Variants in CCDC144A observed in about 807,000 individuals in gnomAD.
CCDC144A encodes coiled-coil domain containing 144A, also known as coiled-coil domain-containing protein 144A.
A neutral mutation model predicts 143.8 loss-of-function variants in CCDC144A; 41 were observed. That is an observed-to-expected ratio of 0.29 (90% CI 0.22 to 0.37). The LOEUF is 0.37. CCDC144A is among the 10% of genes least tolerant of loss of function. The pLI is 1.00. For missense variants in CCDC144A, 637 were observed against 1,488.8 expected (o/e 0.43, Z 9.41); for synonymous variants, 242 against 517.9 (o/e 0.47, Z 7.23).
At chr17:16,769,825 TTTG>T (rs376167609) in intron 15 of CCDC144A, among the ~76,000 whole-genome samples, 6,028 of 151,178 alleles carry the variant, frequency 0.04, 108 homozygotes, top group Admixed American at 0.07. Context: ...TTTTCTCTTT[TTTG>T]TTGTTGTTGT....
the CCDC144A span, among the ~76,000 whole-genome samples, chr17:16,670,392 A>G: frequency 2.0e-5 from 3 of 146,466 alleles, no homozygotes; most frequent in African/African-American, 7.6e-5. Context: ...GGTTCAAGTC[A>G]TTCTCCTGCC....
intron 12 of CCDC144A, among the ~76,000 whole-genome samples, chr17:16,744,704 G>A (rs948751774): frequency 1.3e-5 from 2 of 149,792 alleles, no homozygotes; most frequent in African/African-American, 4.9e-5. Flanking sequence ...AAGCTCCTTT[G>A]TTTAACTAGG....
chr17:16,733,057 C>G lies in CCDC144A; in HGVS notation c.2418+391C>G, dbSNP rs559001429. Among the ~76,000 whole-genome samples, 3 of 151,940 alleles carry G rather than the reference C, an allele frequency of 2.0e-5. No homozygotes were observed. The South Asian group carries it at 6.2e-4, about 32-fold the overall frequency. On this transcript the variant is annotated intron_variant, in intron 11 of 16. Coordinates refer to ENST00000399273, the MANE Select transcript of CCDC144A (RefSeq NM_001382000.1). Reference sequence around the variant, plus strand: ...TGGAGAGGTTAGATTATTATTTCCACTTGTAGTAAGGATGAAATGTATAGC... The same window carrying G: ...TGGAGAGGTTAGATTATTATTTCCAGTTGTAGTAAGGATGAAATGTATAGC...
At chr17:16,683,666 A>G in the CCDC144A span, 1 of 1,605,494 alleles carries the variant, frequency 6.2e-7, no homozygotes, top group Non-Finnish European at 8.5e-7. Flanking sequence ...CAAGCCCGGA[A>G]GTTTCAGAAG....
intron 12 of CCDC144A, among the ~76,000 whole-genome samples, chr17:16,738,185 T>A (rs926397580): frequency 6.7e-6 from 1 of 149,922 alleles, no homozygotes; most frequent in Non-Finnish European, 1.5e-5. Context: ...ATGTTTTAAT[T>A]TACAAACTAC....
Position 16,690,269 on chromosome 17 carries a change from GGTGGTCGCTTGGCTTGGCGTGGCA to G in CCDC144A, c.-128_-105del. On this transcript the variant is annotated 5_prime_UTR_variant, in exon 1 of 17. Coordinates refer to ENST00000399273, the MANE Select transcript of CCDC144A (RefSeq NM_001382000.1). ...GCTTTGCGGTGGCTGTTGGCTTGGCGGTGGTCGCTTGGCTTGGCGTGGCAGTGATCGCTTGGCTTGGCATTTCTG... is the reference window on the plus strand; with the variant it reads ...GCTTTGCGGTGGCTGTTGGCTTGGCGGTGATCGCTTGGCTTGGCATTTCTG... The G allele has an allele frequency of 6.6e-6, 4 of 602,112 alleles. No homozygotes were observed. The South Asian group carries it at 8.8e-5, about 13-fold the overall frequency. 37.3% of individuals were successfully genotyped at this position (602,112 alleles called of 1,614,324 possible).
At position 16,775,657 on chromosome 17, in the gene CCDC144A, G is replaced by A. The variant is rs1017320756; in HGVS notation, c.*2024G>A. 3.0e-4 allele frequency: 45 copies of A among 152,114 alleles called. No homozygotes were observed. Among genetic ancestry groups the A allele is most frequent in the Admixed American group, 7.9e-4 (12 of 15,284 alleles). 9.4% of individuals were successfully genotyped at this position (152,114 alleles called of 1,614,324 possible). On this transcript the variant is annotated 3_prime_UTR_variant, in exon 17 of 17. Transcript: ENST00000399273. ...ATTTTCTCCCATTCTGTAGGTTGTC[G>A]GTTTACTCTGTTGATAGGTTCTTAA... is the stretch of plus-strand genomic sequence containing the variant.
At chr17:16,748,738 G>GT (rs1261297144) in intron 12 of CCDC144A, among the ~76,000 whole-genome samples, 1 of 152,124 alleles carries the variant, frequency 6.6e-6, no homozygotes, top group African/African-American at 2.4e-5. Context: ...TGGCTAGTAG[G>GT]TTTTTTATTA....
chr17:16,704,592 T>A (rs1444994400), intron 2 of CCDC144A, among the ~76,000 whole-genome samples: 1 of 152,054 alleles, frequency 6.6e-6, no homozygotes, highest in Non-Finnish European at 1.5e-5. Context: ...AGACTAATCC[T>A]GTTCTCACAT....
chr17:16,731,063 C>A (rs1226594861), intron 9 of CCDC144A, among the ~76,000 whole-genome samples: 1 of 151,554 alleles, frequency 6.6e-6, no homozygotes. Flanking sequence ...TATTCCATAT[C>A]TCTCATATGC....
chr17:16,674,667 C>T, the CCDC144A span, among the ~76,000 whole-genome samples: 1 of 151,952 alleles, frequency 6.6e-6, no homozygotes, highest in Non-Finnish European at 1.5e-5. Context: ...AGTAGCAAAG[C>T]CACTCTGTAA....
chr17:16,768,932 A>G (rs1915717523), intron 15 of CCDC144A, among the ~76,000 whole-genome samples: 1 of 152,106 alleles, frequency 6.6e-6, no homozygotes, highest in Non-Finnish European at 1.5e-5. Flanking sequence ...GCTGTGGTGG[A>G]TAGGCAGCAA....
chr17:16,746,853 CCCCTCCCTCCTCTCCCTT>C, intron 12 of CCDC144A: 1 of 769,494 alleles, frequency 1.3e-6, no homozygotes, highest in Non-Finnish European at 2.2e-6. Context: ...CCGGCCCCCG[CCCCTCCCTCCTCTCCCTT>C]CTCTCCCTTC....
In CCDC144A at chr17:16,748,181, C is replaced by T. The variant is rs143095573; in HGVS notation, c.3372+12538C>T. 9.2e-5 allele frequency among the ~76,000 whole-genome samples: 14 copies of T among 152,252 alleles called. No homozygotes were observed. In the East Asian group the frequency reaches 2.3e-3, roughly 25 times the overall value. ...TACAAGCATGAGCCAGTGCACTTAG[C>T]CCCCACTTCCAGCTTTTGCCCATTC... On this transcript the variant is annotated intron_variant, in intron 12 of 16. Coordinates refer to ENST00000399273, the MANE Select transcript of CCDC144A (RefSeq NM_001382000.1).
intron 12 of CCDC144A, chr17:16,746,021 AT>A: frequency 6.2e-7 from 1 of 1,611,870 alleles, no homozygotes; most frequent in Non-Finnish European, 8.5e-7. Context: ...ATCTCTCCAC[AT>A]CCCTGTGCTC....
intron 12 of CCDC144A, among the ~76,000 whole-genome samples, chr17:16,740,176 A>C (rs910777249): frequency 1.3e-5 from 2 of 152,156 alleles, no homozygotes; most frequent in African/African-American, 4.8e-5. Flanking sequence ...CTAGGCTGTC[A>C]TCTTTCCTCA....
At position 16,724,951 on chromosome 17, in the gene CCDC144A, G is replaced by A. The variant is rs1385752974; in HGVS notation, c.1892-2576G>A. Among the ~76,000 whole-genome samples the A allele has an allele frequency of 4.5e-5, 6 of 133,840 alleles. No homozygotes were observed. The South Asian group carries it at 1.4e-3, about 32-fold the overall frequency. 87.8% of individuals were successfully genotyped at this position (133,840 alleles called of 152,430 possible). On this transcript the variant is annotated intron_variant, in intron 8 of 16. Transcript: ENST00000399273. ...CAGGCATGAGCCACCGCGCCCAGCCGATTAACTGAACTTTTAAAAGTCATT... is the reference window on the plus strand; with the variant it reads ...CAGGCATGAGCCACCGCGCCCAGCCAATTAACTGAACTTTTAAAAGTCATT...
intron 12 of CCDC144A, chr17:16,746,185 G>A (rs1914496244): frequency 6.6e-7 from 1 of 1,505,638 alleles, no homozygotes; most frequent in East Asian, 2.4e-5. Flanking sequence ...TCTGTGGTTG[G>A]TTCCTCTCCC....
chr17:16,699,721 C>G (rs1567584449), intron 2 of CCDC144A, among the ~76,000 whole-genome samples: 1 of 148,632 alleles, frequency 6.7e-6, no homozygotes, highest in African/African-American at 2.5e-5. Context: ...AGAAAATTGA[C>G]TGTGATCTTA....
Sources: gnomAD v4.1 joint callset for allele counts (sites outside exome capture counted in the v4.1 genomes callset) on GRCh38, gnomAD v4.1.1 for gene constraint, MANE v1.5 for transcripts, NCBI Gene and HGNC (gene_info 2026-07-23, HGNC 2026-07-21) for gene names.